The following RBBP5 variants were observed in gnomAD, a reference collection of about 807,000 sequenced individuals.
RBBP5 encodes RB binding protein 5, histone lysine methyltransferase complex subunit, also known as retinoblastoma-binding protein 5.
A neutral mutation model predicts 72.2 loss-of-function variants in RBBP5; 5 were observed. The ratio of observed to expected loss-of-function variants is 0.07; its 90% CI spans 0.04 to 0.15. The LOEUF (loss-of-function observed/expected upper bound fraction) is 0.15. Among genes scored for constraint, RBBP5 ranks in the 10% least tolerant of loss-of-function variants. The pLI is 1.00. For synonymous variants in RBBP5, 209 were observed against 237.2 expected, an observed-to-expected ratio of 0.88 and a Z score of 1.09; for missense variants, 322 against 652.2, an observed-to-expected ratio of 0.49 and a Z score of 5.51.
intron 3 of RBBP5, among the ~76,000 whole-genome samples, chr1:205,111,412 A>G (rs1299917858): frequency 6.6e-6 from 1 of 152,214 alleles, no homozygotes; most frequent in Non-Finnish European, 1.5e-5. Flanking sequence ...TAACACAAAT[A>G]TTTGCAATAA....
Position 205,100,281 on chromosome 1 carries a change from G to A in RBBP5, c.633-10C>T, listed in dbSNP as rs544877925. ...GTTAATTAAAAAGCAACTACGGGAA[G>A]GATAAAAATATCAACACCAGAGGTC... On this transcript the variant is annotated splice_polypyrimidine_tract_variant and intron_variant, in intron 6 of 13. Transcript: ENST00000264515. 20 of 1,612,400 alleles carry A rather than the reference G, an allele frequency of 1.2e-5. No individual in the cohort carries two copies. In the South Asian group the frequency reaches 1.3e-4, roughly 11 times the overall value.
At chr1:205,091,723 G>A (rs1358698710) in intron 13 of RBBP5, 2 of 152,202 alleles carry the variant, frequency 1.3e-5, no homozygotes, top group Non-Finnish European at 2.9e-5. Flanking sequence ...AACTTGGGTA[G>A]TAACACAGCC....
intron 1 of RBBP5, among the ~76,000 whole-genome samples, chr1:205,119,343 C>T (rs1656650287): frequency 6.6e-6 from 1 of 152,102 alleles, no homozygotes; most frequent in African/African-American, 2.4e-5. Flanking sequence ...TTGCTGTCAG[C>T]CGAGATTGTG....
At chr1:205,095,619 T>C (rs1036697201) in intron 12 of RBBP5, among the ~76,000 whole-genome samples, 2 of 151,924 alleles carry the variant, frequency 1.3e-5, no homozygotes, top group Non-Finnish European at 2.9e-5. Flanking sequence ...CAGAGAGGCA[T>C]GTGAGAGCAG....
intron 1 of RBBP5, 34 bp from the exon 2 acceptor site, chr1:205,115,917 T>C (rs377085728): frequency 6.2e-7 from 1 of 1,613,796 alleles, no homozygotes; most frequent in African/African-American, 1.3e-5. Context: ...TGATGGCACA[T>C]GTACCACATA....
At position 205,086,676 on chromosome 1, in the gene RBBP5, T is replaced by C. The variant is rs1470025824; in HGVS notation, c.*2111A>G. 1 of 151,822 alleles carries C rather than the reference T, an allele frequency of 6.6e-6. No individual in the cohort carries two copies. The highest frequency in any genetic ancestry group is 2.1e-4 in the South Asian group (1 of 4,828). The allele number at this position is 151,822 out of a possible 1,614,324, so 9.4% of individuals were successfully genotyped here. On this transcript the variant is annotated 3_prime_UTR_variant, in exon 14 of 14. Transcript: ENST00000264515. ...GGTTTTTTAAAAGTTGAAAAAAAAA[T>C]TCCAAAAACATAAATAATTATTAGG...
Position 205,087,696 on chromosome 1 carries a change from A to T in RBBP5, c.*1091T>A, listed in dbSNP as rs1193542459. ...AGAATTTCAAACACCAAATGTACAC[A>T]TCTATCCAATCTGTTATTTTTATAA... On this transcript the variant is annotated 3_prime_UTR_variant, in exon 14 of 14. Coordinates refer to ENST00000264515, the MANE Select transcript of RBBP5 (RefSeq NM_005057.4). 6.3e-5 allele frequency: 9 copies of T among 141,770 alleles called. No individual in the cohort carries two copies. Among genetic ancestry groups the T allele is most frequent in the Non-Finnish European group, 1.2e-4 (8 of 65,062 alleles). The allele number at this position is 141,770 out of a possible 1,614,324, so 8.8% of individuals were successfully genotyped here.
At chr1:205,110,175 G>T (rs544089307) in intron 3 of RBBP5, among the ~76,000 whole-genome samples, 1 of 151,672 alleles carries the variant, frequency 6.6e-6, no homozygotes, top group Admixed American at 6.6e-5. Flanking sequence ...GCATGTCACC[G>T]CACCCAGCTA....
chr1:205,094,727 A>G, intron 13 of RBBP5, 146 bp downstream of exon 13: 2 of 912,278 alleles, frequency 2.2e-6, no homozygotes, highest in East Asian at 5.1e-5. Context: ...GCCTGCCCTT[A>G]GCAGCAGCTT....
At chr1:205,090,106 G>A (rs567863219) in intron 13 of RBBP5, among the ~76,000 whole-genome samples, 6 of 152,184 alleles carry the variant, frequency 3.9e-5, no homozygotes, top group Admixed American at 3.9e-4. Flanking sequence ...CACCCGCCTC[G>A]GACTCCCAAA....
In RBBP5 at chr1:205,104,016, G is replaced by C. The variant is rs1175220911; in HGVS notation, c.363C>G (p.Asn121Lys). Residue 121 changes from asparagine (N) to lysine (K), a missense_variant, in exon 5 of 14, where the codon AAC (asparagine) becomes AAG (lysine). Physicochemically the swap from Asn to Lys is moderately conservative, Grantham distance 94. Transcript: ENST00000264515. ...LKVQYHPRDQNKVLVCPMKSA... is the reference protein window; with the variant it reads ...LKVQYHPRDQKKVLVCPMKSA... Reference sequence around the variant, plus strand: ...ATTTCATGGGACACACGAGAACCTTGTTCCTGTTTAAAAATACGAACAGTA... The same window carrying C: ...ATTTCATGGGACACACGAGAACCTTCTTCCTGTTTAAAAATACGAACAGTA... 4 of 1,612,392 alleles carry C rather than the reference G, an allele frequency of 2.5e-6. No individual in the cohort carries two copies. Among genetic ancestry groups the C allele is most frequent in the Non-Finnish European group, 2.5e-6 (3 of 1,178,542 alleles).
chr1:205,118,943 G>C (rs1438440624), intron 1 of RBBP5, among the ~76,000 whole-genome samples: 1 of 152,192 alleles, frequency 6.6e-6, no homozygotes, highest in African/African-American at 2.4e-5. Flanking sequence ...CATCTGGCCA[G>C]ATGTCCTTCA....
intron 5 of RBBP5, among the ~76,000 whole-genome samples, chr1:205,102,821 C>T (rs1655891879): frequency 6.6e-6 from 1 of 151,870 alleles, no homozygotes; most frequent in African/African-American, 2.4e-5. Flanking sequence ...TGGAGAGACC[C>T]CGTCTCTACT....
rs1163016409 is a variant in RBBP5, at chr1:205,099,110, TACA to T, written c.979-7_979-5del. ...GTGCAAATGCACTCCAGTTTTCCTATACAACAAGATATACTACTTAACCATATG... is the reference window on the plus strand; with the variant it reads ...GTGCAAATGCACTCCAGTTTTCCTATACAAGATATACTACTTAACCATATG... On this transcript the variant is annotated splice_polypyrimidine_tract_variant and splice_region_variant and intron_variant, in intron 9 of 13. Transcript: ENST00000264515. This position sits in a 1 kb window ranked among gnomAD's most constrained non-coding sequence, Gnocchi z 4.7. 1.9e-6 allele frequency: 3 copies of T among 1,552,814 alleles called. No individual in the cohort carries two copies. Among genetic ancestry groups the T allele is most frequent in the Middle Eastern group, 1.7e-4 (1 of 5,966 alleles).
rs1553352080 is a variant in RBBP5, at chr1:205,093,458, C to CCAAAAAA, written c.1588+1414_1588+1415insTTTTTTG. On this transcript the variant is annotated intron_variant, in intron 13 of 13. Transcript: ENST00000264515. ...TGGGGACAAGAGTGAAACTCCGTTTCAAAAAAAAAAAAAAAAAAAAAATAT... is the reference window on the plus strand; with the variant it reads ...TGGGGACAAGAGTGAAACTCCGTTTCCAAAAAAAAAAAAAAAAAAAAAAAAAAAATAT... 5.7e-3 allele frequency among the ~76,000 whole-genome samples: 105 copies of CCAAAAAA among 18,320 alleles called. 16 individuals carry two copies. Among genetic ancestry groups the CCAAAAAA allele is most frequent in the Middle Eastern group, 0.062 (1 of 16 alleles). The allele number at this position is 18,320 out of a possible 152,430, so 12.0% of individuals were successfully genotyped here. A position where few individuals can be genotyped will look rare whatever the true frequency, so the allele number is the denominator to read the frequency against.
chr1:205,093,458 CAAAAAAAA>C (rs761161251), intron 13 of RBBP5, among the ~76,000 whole-genome samples: 10 of 18,324 alleles, frequency 5.5e-4, no homozygotes, highest in African/African-American at 1.9e-3. Flanking sequence ...AACTCCGTTT[CAAAAAAAA>C]AAAAAAAAAA....
At chr1:205,094,845 C>A in intron 13 of RBBP5, 28 bp downstream of exon 13, 2 of 1,587,434 alleles carry the variant, frequency 1.3e-6, no homozygotes, top group Non-Finnish European at 1.7e-6. Context: ...ACGAAGCAAG[C>A]CAGACAATGC....
chr1:205,092,071 G>A (rs184704931), intron 13 of RBBP5: 1 of 152,260 alleles, frequency 6.6e-6, no homozygotes, highest in Non-Finnish European at 1.5e-5. Context: ...AGACGACCAC[G>A]TTACTGGATA....
At chr1:205,120,061 C>G (rs1280233961) in intron 1 of RBBP5, among the ~76,000 whole-genome samples, 1 of 152,136 alleles carries the variant, frequency 6.6e-6, no homozygotes, top group Non-Finnish European at 1.5e-5. Flanking sequence ...ATTATTTGCT[C>G]TCACCATTTT....
Sources: allele counts gnomAD v4.1 joint callset (sites outside exome capture counted in the v4.1 genomes callset), GRCh38; gene constraint gnomAD v4.1.1; non-coding constraint Gnocchi (gnomAD v3.1); transcripts MANE v1.5; gene names NCBI Gene and HGNC (gene_info 2026-07-23, HGNC 2026-07-21).